The following GPR137B variants were observed in gnomAD, a reference collection of about 807,000 sequenced individuals.
The protein encoded by GPR137B is G protein-coupled receptor 137B.
Under a neutral mutation model 42.5 loss-of-function variants are expected in GPR137B, and 42 were observed. The ratio of observed to expected loss-of-function variants is 0.99; its 90% CI spans 0.77 to 1.28. The LOEUF (loss-of-function observed/expected upper bound fraction) is 1.28, where lower values mean the gene tolerates loss of function less well. Ranked by LOEUF, GPR137B falls within the 50% of genes most tolerant of loss-of-function variation. The pLI is 0.00. For missense variants in GPR137B, 487 were observed against 493.9 expected, an observed-to-expected ratio of 0.99 and a Z score of 0.13; for synonymous variants, 218 against 209.7, an observed-to-expected ratio of 1.04 and a Z score of -0.34.
In GPR137B at chr1:236,178,556, G is replaced by A. The variant is rs138713952; in HGVS notation, c.607G>A (p.Val203Met). 24 of 1,613,122 alleles carry A rather than the reference G, an allele frequency of 1.5e-5. No homozygotes were observed. Among genetic ancestry groups the A allele is most frequent in the African/African-American group, 1.5e-4 (11 of 74,972 alleles). ...VRVAINDTLF[V>M]LCAVSLSICL... is the part of the protein sequence containing the mutation. ...AGTGGCCATTAATGACACGCTCTTC[G>A]TGCTGTGTGCCGTCTCTCTCTCCAT... Residue 203 changes from valine to methionine, a missense_variant, in exon 3 of 7, where the codon GTG (valine) becomes ATG (methionine). Coordinates refer to ENST00000366592, the MANE Select transcript of GPR137B (RefSeq NM_003272.4).
At chr1:236,158,556 G>A (rs1662097213) in intron 1 of GPR137B, among the ~76,000 whole-genome samples, 1 of 152,186 alleles carries the variant, frequency 6.6e-6, no homozygotes, top group African/African-American at 2.4e-5. Flanking sequence ...GTTTCAACCT[G>A]CCATGCATTT....
chr1:236,161,646 G>T (rs1181290790), intron 1 of GPR137B, among the ~76,000 whole-genome samples: 6 of 152,174 alleles, frequency 3.9e-5, no homozygotes, highest in Non-Finnish European at 8.8e-5. Context: ...CCACAGGGAG[G>T]TAATTGAATC....
intron 1 of GPR137B, among the ~76,000 whole-genome samples, chr1:236,157,369 G>T (rs563009046): frequency 2.0e-5 from 3 of 152,082 alleles, no homozygotes; most frequent in African/African-American, 7.2e-5. Context: ...GACTACAGGC[G>T]CCCGCCACCA....
chr1:236,205,534 G>A (rs1663631671), intron 6 of GPR137B, among the ~76,000 whole-genome samples: 1 of 152,084 alleles, frequency 6.6e-6, no homozygotes, highest in Non-Finnish European at 1.5e-5. Flanking sequence ...AAAAGGAAAT[G>A]ATAATCAACT....
At chr1:236,148,773 C>T (rs16833387) in intron 1 of GPR137B, among the ~76,000 whole-genome samples, 15,441 of 151,930 alleles carry the variant, frequency 0.1, 2,135 homozygotes, top group East Asian at 0.3. Context: ...GGCTCATAGT[C>T]GGTGTTGGGA....
chr1:236,208,787 TTTTG>T lies in GPR137B; in HGVS notation c.*630_*633del. On this transcript the variant is annotated 3_prime_UTR_variant, in exon 7 of 7. Coordinates refer to ENST00000366592, the MANE Select transcript of GPR137B (RefSeq NM_003272.4). ...TAGGTTCCTCAAGGAATCTCTTAAGTTTTGCCCAAAGACTGGTACTTCCTTTCAG... is the reference window on the plus strand; with the variant it reads ...TAGGTTCCTCAAGGAATCTCTTAAGTCCCAAAGACTGGTACTTCCTTTCAG... 1 of 985,380 alleles carries T rather than the reference TTTTG, an allele frequency of 1.0e-6. No individual in the cohort carries two copies. 61.0% of individuals were successfully genotyped at this position (985,380 alleles called of 1,614,324 possible).
At position 236,142,898 on chromosome 1, in the gene GPR137B, G is replaced by A. The variant is rs1466353206; in HGVS notation, c.276G>A (p.Arg92=). The A allele has an allele frequency of 6.2e-7, 1 of 1,614,130 alleles. No homozygotes were observed. Among genetic ancestry groups the A allele is most frequent in the Non-Finnish European group, 8.5e-7 (1 of 1,180,050 alleles). The change falls in exon 1 of 7, where the codon CGG becomes CGA. Residue 92 remains arginine, a synonymous_variant. Transcript: ENST00000366592. ...LFLCLFWASL[R]TVLFSFYFKD... ...TCTGCCTCTTCTGGGCCTCCCTGCGGACCGTCCTCTTCTCCTTCTACTTCA... is the reference window on the plus strand; with the variant it reads ...TCTGCCTCTTCTGGGCCTCCCTGCGAACCGTCCTCTTCTCCTTCTACTTCA...
chr1:236,186,584 G>A (rs750355585), intron 5 of GPR137B, among the ~76,000 whole-genome samples: 3 of 150,174 alleles, frequency 2.0e-5, no homozygotes, highest in Non-Finnish European at 4.4e-5. Flanking sequence ...GAGAACATGC[G>A]GTGTTTGGTT....
At chr1:236,194,134 C>G (rs938050347) in intron 5 of GPR137B, among the ~76,000 whole-genome samples, 8 of 152,122 alleles carry the variant, frequency 5.3e-5, no homozygotes, top group Non-Finnish European at 1.2e-4. Context: ...TCTCAGTCAG[C>G]CATGCGATCA....
Position 236,142,637 on chromosome 1 carries a change from TCCCCGGCCGCGCGGCAGCGC to T in GPR137B, c.24_43del (p.Arg9AspfsTer183), listed in dbSNP as rs1338674084. ...CGTGAGCCCCGATGAGGCCCGAGCG[TCCCCGGCCGCGCGGCAGCGC>T]CCCCGGCCCGATGGAGACCCCGCCG... On this transcript the variant is annotated frameshift_variant, in exon 1 of 7. Coordinates refer to ENST00000366592, the MANE Select transcript of GPR137B (RefSeq NM_003272.4). LOFTEE classifies it high-confidence loss of function. 8.1e-6 allele frequency: 12 copies of T among 1,486,644 alleles called. No individual in the cohort carries two copies. The East Asian group carries it at 1.6e-4, about 19-fold the overall frequency. The allele number at this position is 1,486,644 out of a possible 1,614,324, so 92.1% of individuals were successfully genotyped here. A position where few individuals can be genotyped will look rare whatever the true frequency, so the allele number is the denominator to read the frequency against.
chr1:236,151,137 G>C (rs908927051), intron 1 of GPR137B, among the ~76,000 whole-genome samples: 1 of 152,186 alleles, frequency 6.6e-6, no homozygotes, highest in Non-Finnish European at 1.5e-5. Context: ...TGGAAGGTCT[G>C]TCTGGGTCCT....
chr1:236,178,361 C>G, intron 2 of GPR137B, 53 bp from the exon 3 acceptor site: 1 of 1,064,696 alleles, frequency 9.4e-7, no homozygotes, highest in Non-Finnish European at 1.5e-6. Context: ...TCTCAGTGTC[C>G]TTCTAGACTG....
At chr1:236,148,426 G>A (rs977849602) in intron 1 of GPR137B, among the ~76,000 whole-genome samples, 1 of 152,268 alleles carries the variant, frequency 6.6e-6, no homozygotes, top group Middle Eastern at 3.4e-3. Flanking sequence ...TTGGCAGGAT[G>A]GAACAGGCTG....
chr1:236,206,339 T>A (rs1663661747), intron 6 of GPR137B, among the ~76,000 whole-genome samples: 1 of 152,148 alleles, frequency 6.6e-6, no homozygotes, highest in African/African-American at 2.4e-5. Flanking sequence ...CTCAGGCAGT[T>A]TTGTTCAAAT....
intron 1 of GPR137B, among the ~76,000 whole-genome samples, chr1:236,168,073 T>C (rs1289739841): frequency 2.0e-5 from 3 of 152,194 alleles, no homozygotes; most frequent in African/African-American, 7.2e-5. Context: ...GGCAGACACT[T>C]ACTAATTTGG....
chr1:236,173,326 G>A (rs1459507858), intron 2 of GPR137B, among the ~76,000 whole-genome samples: 1 of 148,438 alleles, frequency 6.7e-6, no homozygotes, highest in Non-Finnish European at 1.5e-5. Flanking sequence ...AAGGATGAAA[G>A]GAAGGGAGGG....
intron 5 of GPR137B, among the ~76,000 whole-genome samples, chr1:236,203,806 C>T (rs1226768695): frequency 1.3e-5 from 2 of 152,140 alleles, no homozygotes; most frequent in Non-Finnish European, 2.9e-5. Flanking sequence ...AGATTGTTCA[C>T]TCTTGGTATA....
At chr1:236,207,200 C>G in intron 6 of GPR137B, 1 of 984,926 alleles carries the variant, frequency 1.0e-6, no homozygotes, top group African/African-American at 1.7e-5. Context: ...CAGAGAAATC[C>G]TGGTCAGATA....
At chr1:236,175,734 G>C (rs10802340) in intron 2 of GPR137B, among the ~76,000 whole-genome samples, 43,800 of 151,840 alleles carry the variant, frequency 0.29, 7,992 homozygotes, top group East Asian at 0.51. Context: ...GTAAGCCAGG[G>C]GCTGCCCTCA....
Sources: gnomAD v4.1 joint callset for allele counts (sites outside exome capture counted in the v4.1 genomes callset) on GRCh38, gnomAD v4.1.1 for gene constraint, MANE v1.5 for transcripts, NCBI Gene and HGNC (gene_info 2026-07-23, HGNC 2026-07-21) for gene names.